EDA: variants seen among roughly 807,000 people sequenced by gnomAD.
The protein encoded by EDA is ectodysplasin A, also known as ectodysplasin-A.
Under a neutral mutation model 23.6 loss-of-function variants are expected in EDA, and 2 were observed. The ratio of observed to expected loss-of-function variants is 0.08; its 90% confidence interval spans 0.03 to 0.27. The LOEUF is 0.27. EDA is among the 10% of genes least tolerant of loss of function. EDA has a pLI of 1.00. For missense variants in EDA, 229 were observed against 324.2 expected (o/e 0.71, Z 2.26); for synonymous variants, 131 against 132.0 (o/e 0.99, Z 0.05).
chrX:69,708,757 A>G (rs2011843609), intron 1 of EDA, among the ~76,000 whole-genome samples: 1 of 110,881 alleles, frequency 9.0e-6, no homozygotes, highest in Admixed American at 9.7e-5. Flanking sequence ...GTGGGGGCAG[A>G]CAAAAAATAT....
At chrX:69,789,339 A>G (rs2015325862) in intron 1 of EDA, among the ~76,000 whole-genome samples, 1 of 112,510 alleles carries the variant, frequency 8.9e-6, no homozygotes, top group Non-Finnish European at 1.9e-5. Context: ...TTTTGTGAGC[A>G]AGGGTAAGGG....
chrX:69,874,291 A>G (rs1054100750), intron 1 of EDA, among the ~76,000 whole-genome samples: 1 of 111,150 alleles, frequency 9.0e-6, no homozygotes, highest in Non-Finnish European at 1.9e-5. Context: ...CAGCCTGGGC[A>G]AAAAGAGCGA....
At chrX:69,652,637 C>T (rs1184912313) in intron 1 of EDA, among the ~76,000 whole-genome samples, 2 of 111,717 alleles carry the variant, frequency 1.8e-5, no homozygotes, top group Admixed American at 1.9e-4. Flanking sequence ...TGACCTTTAA[C>T]CTGTGGCCTC....
At chrX:69,997,606 G>C (rs1236813303) in intron 2 of EDA, among the ~76,000 whole-genome samples, 10 of 112,904 alleles carry the variant, frequency 8.9e-5, no homozygotes, top group Non-Finnish European at 1.5e-4. Context: ...TAATCCCCAA[G>C]ACAATGGGGA....
intron 1 of EDA, among the ~76,000 whole-genome samples, chrX:69,782,331 C>A (rs188222102): frequency 3.1e-5 from 3 of 96,070 alleles, no homozygotes; most frequent in Admixed American, 2.4e-4. Context: ...TTGTTTGTCA[C>A]CAAGTGTGTG....
At chrX:70,026,804 C>T (rs1230593016) in intron 3 of EDA, among the ~76,000 whole-genome samples, 1 of 110,699 alleles carries the variant, frequency 9.0e-6, no homozygotes, top group Admixed American at 9.6e-5. Context: ...GCTCCCTCTA[C>T]TCTCTGTCTC....
At chrX:70,031,467 C>A (rs2020199362) in intron 6 of EDA, among the ~76,000 whole-genome samples, 1 of 111,628 alleles carries the variant, frequency 9.0e-6, no homozygotes, top group Admixed American at 9.5e-5. Context: ...AATGCGTGAA[C>A]CCCCAGGAGC....
At chrX:69,907,350 A>C (rs2018194652) in intron 1 of EDA, among the ~76,000 whole-genome samples, 1 of 111,573 alleles carries the variant, frequency 9.0e-6, no homozygotes, top group East Asian at 2.8e-4. Flanking sequence ...GCCTAGTAAT[A>C]GTGCTCACTA....
At chrX:69,683,729 C>A (rs752734466) in intron 1 of EDA, among the ~76,000 whole-genome samples, 1 of 111,649 alleles carries the variant, frequency 9.0e-6, no homozygotes, top group South Asian at 3.7e-4. Flanking sequence ...TAGACATTTG[C>A]TGATTGAACT....
chrX:69,999,402 C>T (rs1602596064), intron 2 of EDA, among the ~76,000 whole-genome samples: 1 of 110,615 alleles, frequency 9.0e-6, no homozygotes, highest in East Asian at 2.8e-4. Flanking sequence ...CACTTGAGGT[C>T]AGGAGTTCAA....
rs2020270804 is a variant in EDA at position 70,036,582 on chromosome X, CCTA to C, written c.*974_*976del. ...GCAGTACAAATGTTTTTCATCCATT[CCTA>C]ATCAAATTCTGTCTGGGGACGAAGG... On this transcript the variant is annotated 3_prime_UTR_variant, in exon 8 of 8. Transcript: ENST00000374552. 1 of 112,772 alleles carries C rather than the reference CCTA, an allele frequency of 8.9e-6. No homozygotes were observed. Among genetic ancestry groups the C allele is most frequent in the Non-Finnish European group, 1.9e-5 (1 of 53,309 alleles). The allele number at this position is 112,772 out of a possible 1,213,427, so 9.3% of individuals were successfully genotyped here.
rs761616538 is a variant in EDA, at chrX:69,728,143, G to A, written c.396+111439G>A. On this transcript the variant is annotated intron_variant, in intron 1 of 7. Transcript: ENST00000374552. ...GCCTGTAGTCCCAGCTACTCGGGAG[G>A]CTGACGTGGGAGAATCACTTGAACA... Among the ~76,000 whole-genome samples, 519 of 109,626 alleles carry A rather than the reference G, an allele frequency of 4.7e-3. 2 individuals are homozygous for A. The highest frequency in any genetic ancestry group is 9.3e-3 in the Middle Eastern group (2 of 216).
At chrX:69,682,326 C>T (rs1309272822) in intron 1 of EDA, among the ~76,000 whole-genome samples, 2 of 112,650 alleles carry the variant, frequency 1.8e-5, no homozygotes, top group Non-Finnish European at 3.8e-5. Flanking sequence ...AGGCAGGCCT[C>T]CTTGAGCTGT....
At chrX:69,648,241 G>C (rs1421728833) in intron 1 of EDA, among the ~76,000 whole-genome samples, 4 of 111,577 alleles carry the variant, frequency 3.6e-5, no homozygotes, top group Non-Finnish European at 7.5e-5. Flanking sequence ...ATTTCGGGGG[G>C]ACCCTTCCTT....
At chrX:69,733,717 A>T (rs1308486746) in intron 1 of EDA, among the ~76,000 whole-genome samples, 2 of 111,327 alleles carry the variant, frequency 1.8e-5, no homozygotes, top group Admixed American at 9.5e-5. Flanking sequence ...CATGATATTG[A>T]TTCTTCCTAT....
chrX:69,847,491 C>A (rs189474258), intron 1 of EDA, among the ~76,000 whole-genome samples: 184 of 111,126 alleles, frequency 1.7e-3, no homozygotes, highest in Non-Finnish European at 3.0e-3. Context: ...TTACTACTAC[C>A]AACCACTGAT....
chrX:69,645,396 T>A (rs1932898461), intron 1 of EDA, among the ~76,000 whole-genome samples: 2 of 105,806 alleles, frequency 1.9e-5, no homozygotes, highest in Admixed American at 2.1e-4. Context: ...TAGAGGTGTT[T>A]ATAGTATTCT....
At chrX:70,007,102 T>C (rs1017281563) in intron 2 of EDA, among the ~76,000 whole-genome samples, 3 of 112,322 alleles carry the variant, frequency 2.7e-5, no homozygotes, top group Non-Finnish European at 5.6e-5. Flanking sequence ...TAATTTGTGG[T>C]ATTTCACAAA....
intron 1 of EDA, among the ~76,000 whole-genome samples, chrX:69,910,868 A>AT (rs1434255574): frequency 1.8e-5 from 2 of 112,235 alleles, no homozygotes; most frequent in Admixed American, 1.9e-4. Flanking sequence ...AATTAACAAT[A>AT]GCTGCCTTAA....
Sources: allele counts gnomAD v4.1 joint callset (sites outside exome capture counted in the v4.1 genomes callset), GRCh38; gene constraint gnomAD v4.1.1; transcripts MANE v1.5; gene names NCBI Gene and HGNC (gene_info 2026-07-23, HGNC 2026-07-21).